NXN: variants seen among roughly 807,000 people sequenced by gnomAD.
The protein encoded by NXN is nucleoredoxin, also known as nucleoredoxin 1.
NXN carries 16 observed loss-of-function variants against 48.6 expected under a neutral mutation model. That is an observed-to-expected ratio of 0.33 (90% CI 0.22 to 0.50). NXN has a LOEUF of 0.50. NXN is among the 20% of genes least tolerant of loss of function. NXN has a pLI of 0.98. For missense variants in NXN, 492 were observed against 605.5 expected (o/e 0.81, Z 1.97); for synonymous variants, 281 against 269.6 (o/e 1.04, Z -0.41).
At chr17:955,720 C>T (rs901969528) in intron 1 of NXN, among the ~76,000 whole-genome samples, 8 of 151,532 alleles carry the variant, frequency 5.3e-5, no homozygotes, top group South Asian at 2.1e-4. Context: ...CACGGTGAAA[C>T]CCTGTCTCTA....
In NXN at chr17:849,789, G is replaced by T. The variant is rs1450608014; in HGVS notation, c.361-23711C>A. On this transcript the variant is annotated intron_variant, in intron 1 of 7. Coordinates refer to ENST00000336868, the MANE Select transcript of NXN (RefSeq NM_022463.5). This position sits in a 1 kb window ranked among gnomAD's most constrained non-coding sequence, Gnocchi z 4.2. ...TAAACTCACGTCAAGGGCAGGCAGGGGTCGCCTTGCTGGGCCAGGGACAGC... is the reference window on the plus strand; with the variant it reads ...TAAACTCACGTCAAGGGCAGGCAGGTGTCGCCTTGCTGGGCCAGGGACAGC... Among the ~76,000 whole-genome samples, 1 of 152,188 alleles carries T rather than the reference G, an allele frequency of 6.6e-6. No individual in the cohort carries two copies. Among genetic ancestry groups the T allele is most frequent in the Non-Finnish European group, 1.5e-5 (1 of 68,046 alleles).
chr17:841,483 CCCCCTGACCACG>C (rs1914240188), intron 1 of NXN, among the ~76,000 whole-genome samples: 1 of 145,660 alleles, frequency 6.9e-6, no homozygotes, highest in South Asian at 2.2e-4. Context: ...CGAGCAGGTC[CCCCCTGACCACG>C]GCGCATCTCA....
intron 1 of NXN, among the ~76,000 whole-genome samples, chr17:892,629 G>C (rs369160218): frequency 2.0e-5 from 3 of 152,134 alleles, no homozygotes; most frequent in Admixed American, 1.3e-4. Flanking sequence ...GCTGGGAAGG[G>C]GCGGGGCGGG....
At chr17:859,659 G>A (rs928912826) in intron 1 of NXN, among the ~76,000 whole-genome samples, 2 of 152,098 alleles carry the variant, frequency 1.3e-5, no homozygotes, top group East Asian at 1.9e-4. Context: ...CCTGTTTCAC[G>A]GATCCCAGAT....
intron 1 of NXN, among the ~76,000 whole-genome samples, chr17:841,798 A>G (rs558469738): frequency 6.6e-6 from 1 of 151,998 alleles, no homozygotes; most frequent in South Asian, 2.1e-4. Flanking sequence ...AACTGGACAA[A>G]AGCAGCAATC....
chr17:836,752 G>A (rs1023736280), intron 1 of NXN, among the ~76,000 whole-genome samples: 5 of 152,148 alleles, frequency 3.3e-5, no homozygotes, highest in African/African-American at 9.7e-5. Context: ...TACATAGAGC[G>A]CTTAGCATAA....
intron 1 of NXN, among the ~76,000 whole-genome samples, chr17:923,512 TGTCTC>T (rs1238196705): frequency 2.0e-5 from 3 of 152,048 alleles, no homozygotes; most frequent in African/African-American, 7.2e-5. Context: ...AGCGAGACCG[TGTCTC>T]AAAAACAAAC....
chr17:890,858 G>C (rs2068408943), intron 1 of NXN, among the ~76,000 whole-genome samples: 1 of 152,068 alleles, frequency 6.6e-6, no homozygotes, highest in African/African-American at 2.4e-5. Flanking sequence ...AGGCCTATCA[G>C]GGGGATAGAA....
rs755844223 is a variant in NXN, at chr17:860,216, TG to T, written c.361-34139del. 7.9e-5 allele frequency among the ~76,000 whole-genome samples: 12 copies of T among 152,358 alleles called. 1 individual carries two copies. Among genetic ancestry groups the T allele is most frequent in the Admixed American group, 5.9e-4 (9 of 15,304 alleles). ...TCAGCTCACTGCAACCTCCGCCTCC[TG>T]GGTTCAAGTGATTCTCCTGCCTCAG... On this transcript the variant is annotated intron_variant, in intron 1 of 7. Transcript: ENST00000336868.
chr17:803,819 C>T lies in NXN; in HGVS notation c.1001-13G>A, dbSNP rs762889220. On this transcript the variant is annotated splice_polypyrimidine_tract_variant and intron_variant, in intron 6 of 7. Coordinates refer to ENST00000336868, the MANE Select transcript of NXN (RefSeq NM_022463.5). ...TCATCCTCAGAATCTGTGATTGGGT[C>T]GGGGGTAGAAAAAGACGGGGAGAAA... is the stretch of plus-strand genomic sequence containing the variant. 45 of 1,613,550 alleles carry T rather than the reference C, an allele frequency of 2.8e-5. No homozygotes were observed. Among genetic ancestry groups the T allele is most frequent in the East Asian group, 1.6e-4 (7 of 44,888 alleles).
chr17:895,917 C>G (rs1468597961), intron 1 of NXN, among the ~76,000 whole-genome samples: 1 of 152,062 alleles, frequency 6.6e-6, no homozygotes, highest in Non-Finnish European at 1.5e-5. Flanking sequence ...GCTTTACAAA[C>G]TGTTGATGGG....
chr17:976,527 C>G (rs567873792), intron 1 of NXN, among the ~76,000 whole-genome samples: 1 of 152,118 alleles, frequency 6.6e-6, no homozygotes, highest in African/African-American at 2.4e-5. Flanking sequence ...AACAAAATTC[C>G]CTTCTCTAGA....
chr17:960,075 G>C (rs1162256765), intron 1 of NXN, among the ~76,000 whole-genome samples: 1 of 152,058 alleles, frequency 6.6e-6, no homozygotes, highest in African/African-American at 2.4e-5. Flanking sequence ...CTGGGAGACA[G>C]AGCGAGACTC....
chr17:916,190 G>C (rs556809250), intron 1 of NXN, among the ~76,000 whole-genome samples: 7 of 152,126 alleles, frequency 4.6e-5, no homozygotes, highest in Non-Finnish European at 1.0e-4. Context: ...TGGCACGTCG[G>C]CAACAGAAAT....
intron 1 of NXN, among the ~76,000 whole-genome samples, chr17:853,112 G>A (rs7220485): frequency 0.14 from 21,588 of 151,816 alleles, 1,839 homozygotes; most frequent in African/African-American, 0.23. Flanking sequence ...TGAGTAGTTG[G>A]GACCACAGGC....
intron 5 of NXN, among the ~76,000 whole-genome samples, chr17:810,018 G>A (rs1252578143): frequency 2.7e-5 from 4 of 149,940 alleles, no homozygotes; most frequent in African/African-American, 7.4e-5. Flanking sequence ...TGTGAGTGGC[G>A]TGCACGTTAA....
intron 1 of NXN, among the ~76,000 whole-genome samples, chr17:828,171 T>C (rs1913238589): frequency 6.6e-6 from 1 of 152,104 alleles, no homozygotes; most frequent in Non-Finnish European, 1.5e-5. Context: ...TGGCACGATC[T>C]TGGCTCACTG....
At chr17:899,576 A>G (rs980287510) in intron 1 of NXN, among the ~76,000 whole-genome samples, 1 of 152,230 alleles carries the variant, frequency 6.6e-6, no homozygotes. Flanking sequence ...TCATGATTAT[A>G]TCGTCAGGAA....
At chr17:943,335 G>A (rs1230849639) in intron 1 of NXN, among the ~76,000 whole-genome samples, 5 of 152,116 alleles carry the variant, frequency 3.3e-5, no homozygotes, top group African/African-American at 1.2e-4. Flanking sequence ...GTCACCAACA[G>A]GGAAAGGAGG....
Sources: gnomAD v4.1 joint callset for allele counts (sites outside exome capture counted in the v4.1 genomes callset) on GRCh38, gnomAD v4.1.1 for gene constraint, Gnocchi (gnomAD v3.1) non-coding constraint, MANE v1.5 for transcripts, NCBI Gene and HGNC (gene_info 2026-07-23, HGNC 2026-07-21) for gene names.